RTN1: variants seen among roughly 807,000 people sequenced by gnomAD.
The protein encoded by RTN1 is reticulon-1.
In RTN1, 25 loss-of-function variants were observed where a neutral mutation model predicts 65.5. The observed-to-expected ratio is 0.38, with a 90% CI of 0.28 to 0.53. The LOEUF (loss-of-function observed/expected upper bound fraction) is 0.53, where lower values mean the gene tolerates loss of function less well. Among genes scored for constraint, RTN1 ranks in the 20% least tolerant of loss-of-function variants. The pLI is 0.79. For synonymous variants in RTN1, 471 were observed against 447.6 expected (o/e 1.05, Z -0.66); for missense variants, 983 against 1,025.4 (o/e 0.96, Z 0.57).
At position 59,703,195 on chromosome 14, in the gene RTN1, T is replaced by C. The variant is rs1296377627; in HGVS notation, c.1765+23724A>G. Among the ~76,000 whole-genome samples, 4 of 152,192 alleles carry C rather than the reference T, an allele frequency of 2.6e-5. No individual in the cohort carries two copies. In the East Asian group the frequency reaches 5.8e-4, roughly 22 times the overall value. On this transcript the variant is annotated intron_variant, in intron 3 of 8. Transcript: ENST00000267484. ...AGTCTTACCACTTTCTAGCATACTA[T>C]ATAATTTGCATATATATTATATGAT...
intron 1 of RTN1, among the ~76,000 whole-genome samples, chr14:59,841,768 T>C (rs898028567): frequency 6.8e-6 from 1 of 146,300 alleles, no homozygotes; most frequent in Non-Finnish European, 1.5e-5. Flanking sequence ...ACATGCTTTA[T>C]AAATATTTAC....
chr14:59,750,149 T>TC (rs1384817798), intron 1 of RTN1, among the ~76,000 whole-genome samples: 35 of 49,274 alleles, frequency 7.1e-4, no homozygotes, highest in Non-Finnish European at 9.3e-4. Context: ...AATATATATA[T>TC]TATAGATAAT....
At chr14:59,630,710 G>C in intron 3 of RTN1, 1 of 1,138,598 alleles carries the variant, frequency 8.8e-7, no homozygotes, top group Non-Finnish European at 1.1e-6. Flanking sequence ...AGCGCGGCGC[G>C]GCCCCGGAGC....
intron 8 of RTN1, among the ~76,000 whole-genome samples, chr14:59,601,143 T>C (rs1218444075): frequency 1.3e-5 from 2 of 152,220 alleles, no homozygotes; most frequent in Non-Finnish European, 1.5e-5. Context: ...CTACATTCTT[T>C]CCAGTTGATC....
intron 1 of RTN1, among the ~76,000 whole-genome samples, chr14:59,813,435 AT>A (rs1249096774): frequency 6.6e-6 from 1 of 152,230 alleles, no homozygotes; most frequent in African/African-American, 2.4e-5. Context: ...ATACTTTTGT[AT>A]TATTGATGGA....
rs1594758737 is a variant in RTN1, at chr14:59,829,369, T to C, written c.241+41021A>G. 1.3e-5 allele frequency among the ~76,000 whole-genome samples: 2 copies of C among 152,188 alleles called. No individual in the cohort carries two copies. The highest frequency in any genetic ancestry group is 4.8e-5 in the African/African-American group (2 of 41,446). On this transcript the variant is annotated intron_variant, in intron 1 of 8. Coordinates refer to ENST00000267484, the MANE Select transcript of RTN1 (RefSeq NM_021136.3). This position sits in a 1 kb window ranked among gnomAD's most constrained non-coding sequence, Gnocchi z 4.3. ...GTTTCATGCCCCTGTAATTAAGGTA[T>C]GCATTAAAAAACACCTCTATTAGTC...
rs779904391 is a variant in RTN1 at position 59,816,825 on chromosome 14, C to T, written c.241+53565G>A. On this transcript the variant is annotated intron_variant, in intron 1 of 8. Transcript: ENST00000267484. This position sits in a 1 kb window ranked among gnomAD's most constrained non-coding sequence, Gnocchi z 4.3. ...GCATGTGCCTGTGGTCCCAGCTACT[C>T]GGGAGGCTAAGGTGGGAGGATCACC... Among the ~76,000 whole-genome samples the T allele has an allele frequency of 1.3e-5, 2 of 152,054 alleles. No individual in the cohort carries two copies. Among genetic ancestry groups the T allele is most frequent in the African/African-American group, 2.4e-5 (1 of 41,406 alleles).
chr14:59,746,528 G>GCT (rs1462909613), intron 1 of RTN1, 47 bp from the exon 2 acceptor site: 1 of 1,497,244 alleles, frequency 6.7e-7, no homozygotes, highest in African/African-American at 1.4e-5. Flanking sequence ...CTTGGCGTCA[G>GCT]CTCTCTCTCT....
intron 1 of RTN1, among the ~76,000 whole-genome samples, chr14:59,812,247 G>C (rs532067381): frequency 1.3e-5 from 2 of 152,094 alleles, no homozygotes; most frequent in Non-Finnish European, 2.9e-5. Context: ...AAATCACAGG[G>C]CATTTTAGGG....
At chr14:59,755,306 A>G (rs1232078404) in intron 1 of RTN1, among the ~76,000 whole-genome samples, 1 of 152,220 alleles carries the variant, frequency 6.6e-6, no homozygotes, top group Non-Finnish European at 1.5e-5. Flanking sequence ...GTTTGAATAG[A>G]GCCAATATTA....
intron 1 of RTN1, among the ~76,000 whole-genome samples, chr14:59,819,656 G>A (rs1054283853): frequency 4.6e-5 from 7 of 152,026 alleles, no homozygotes; most frequent in African/African-American, 7.2e-5. Flanking sequence ...AGGGGACGGC[G>A]CCCGTCGGGG....
chr14:59,751,285 G>T (rs979291844), intron 1 of RTN1, among the ~76,000 whole-genome samples: 10 of 130,642 alleles, frequency 7.7e-5, no homozygotes, highest in Non-Finnish European at 1.2e-4. Context: ...ACTAAGGATT[G>T]TCCTTATTTC....
intron 3 of RTN1, among the ~76,000 whole-genome samples, chr14:59,695,458 T>C (rs1884043865): frequency 6.6e-6 from 1 of 152,190 alleles, no homozygotes. Flanking sequence ...GGCCGTTTTG[T>C]GCCATCCTTG....
chr14:59,637,541 A>T (rs1882690982), intron 3 of RTN1, among the ~76,000 whole-genome samples: 1 of 151,784 alleles, frequency 6.6e-6, no homozygotes, highest in Non-Finnish European at 1.5e-5. Flanking sequence ...GTGAAACCCC[A>T]TCTCTACTAA....
intron 1 of RTN1, among the ~76,000 whole-genome samples, chr14:59,769,663 G>T (rs905826814): frequency 6.6e-6 from 1 of 152,162 alleles, no homozygotes; most frequent in Non-Finnish European, 1.5e-5. Context: ...GATAAAAAGG[G>T]TTATTTCTCT....
At chr14:59,713,618 G>A (rs969034430) in intron 3 of RTN1, among the ~76,000 whole-genome samples, 9 of 152,132 alleles carry the variant, frequency 5.9e-5, no homozygotes, top group African/African-American at 1.9e-4. Flanking sequence ...TCACTGCTTC[G>A]CCCAATTCAG....
chr14:59,657,242 C>G (rs978605264), intron 3 of RTN1, among the ~76,000 whole-genome samples: 1 of 152,054 alleles, frequency 6.6e-6, no homozygotes, highest in Non-Finnish European at 1.5e-5. Context: ...AACCCTGTCT[C>G]TACTAAAAAT....
chr14:59,855,289 A>G (rs1887584474), intron 1 of RTN1, among the ~76,000 whole-genome samples: 1 of 152,128 alleles, frequency 6.6e-6, no homozygotes, highest in African/African-American at 2.4e-5. Context: ...TTCTCTTCAA[A>G]TTCACTAACA....
chr14:59,844,581 G>A lies in RTN1; in HGVS notation c.241+25809C>T, dbSNP rs931467426. Among the ~76,000 whole-genome samples the A allele has an allele frequency of 5.9e-5, 9 of 152,252 alleles. No homozygotes were observed. In the South Asian group the frequency reaches 6.2e-4, roughly 11 times the overall value. On this transcript the variant is annotated intron_variant, in intron 1 of 8. Transcript: ENST00000267484. ...TAGAATGGTGGTTTGGTTGCCAGGC[G>A]CAGGAAGATAGGGAGAGATGCAGGG...
Sources: allele counts gnomAD v4.1 joint callset (sites outside exome capture counted in the v4.1 genomes callset), GRCh38; gene constraint gnomAD v4.1.1; non-coding constraint Gnocchi (gnomAD v3.1); transcripts MANE v1.5; gene names NCBI Gene and HGNC (gene_info 2026-07-23, HGNC 2026-07-21).